The following PDE2A variants were observed in gnomAD, a reference collection of about 807,000 sequenced individuals.
PDE2A encodes phosphodiesterase 2A, also known as cGMP-dependent 3',5'-cyclic phosphodiesterase.
In PDE2A, 53 loss-of-function variants were observed where a neutral mutation model predicts 133.6. That is an observed-to-expected ratio of 0.40 (90% CI 0.32 to 0.50). The LOEUF (loss-of-function observed/expected upper bound fraction) is 0.50, where lower values mean the gene tolerates loss of function less well. PDE2A is among the 20% of genes least tolerant of loss of function. PDE2A has a pLI of 0.73. For missense variants in PDE2A, 796 were observed against 1,232.4 expected (o/e 0.65, Z 5.30); for synonymous variants, 491 against 490.2 (o/e 1.00, Z -0.02).
intron 1 of PDE2A, among the ~76,000 whole-genome samples, chr11:72,667,686 C>T (rs1855275339): frequency 1.3e-5 from 2 of 152,068 alleles, no homozygotes; most frequent in African/African-American, 4.8e-5. Context: ...GTCATCACTC[C>T]TCAGCCTGAG....
intron 2 of PDE2A, among the ~76,000 whole-genome samples, chr11:72,614,252 C>T (rs1033406700): frequency 2.0e-5 from 3 of 152,216 alleles, no homozygotes; most frequent in Admixed American, 2.0e-4. Flanking sequence ...CCTGTGAGTG[C>T]GAAGATCTTG....
At chr11:72,615,058 C>T (rs779952511) in intron 2 of PDE2A, 8 of 504,828 alleles carry the variant, frequency 1.6e-5, no homozygotes, top group Non-Finnish European at 3.3e-5. Context: ...ACTCCGGCTT[C>T]AGTTGTTACT....
chr11:72,646,346 T>G (rs760602795), intron 1 of PDE2A, among the ~76,000 whole-genome samples: 3 of 152,186 alleles, frequency 2.0e-5, no homozygotes, highest in African/African-American at 7.2e-5. Context: ...GGCAAAGCAT[T>G]TCCTCACCCA....
Position 72,578,646 on chromosome 11 carries a change from C to G in PDE2A, c.2470-132G>C, listed in dbSNP as rs1342573134. 4 of 833,206 alleles carry G rather than the reference C, an allele frequency of 4.8e-6. No individual in the cohort carries two copies. Among genetic ancestry groups the G allele is most frequent in the Non-Finnish European group, 7.9e-6 (4 of 508,070 alleles). The allele number at this position is 833,206 out of a possible 1,614,324, so 51.6% of individuals were successfully genotyped here. ...CCAGCTCAGGAGCCGTCCCCACCAG[C>G]CCCAGCTTGGCAGTGGGATGGCCTG... On this transcript the variant is annotated intron_variant, in intron 28 of 30. Coordinates refer to ENST00000334456, the MANE Select transcript of PDE2A (RefSeq NM_002599.5). This position sits in a 1 kb window ranked among gnomAD's most constrained non-coding sequence, Gnocchi z 4.2.
intron 1 of PDE2A, among the ~76,000 whole-genome samples, chr11:72,665,915 A>C (rs929887405): frequency 2.0e-5 from 3 of 151,888 alleles, no homozygotes; most frequent in Non-Finnish European, 2.9e-5. Context: ...CAACAACAAA[A>C]AAAAAACACG....
At chr11:72,589,814 G>A in intron 10 of PDE2A, 22 bp from the exon 11 acceptor site, 2 of 1,613,034 alleles carry the variant, frequency 1.2e-6, no homozygotes, top group Non-Finnish European at 1.7e-6. Context: ...AGTGCAGGGG[G>A]CTGGTTAAAG....
intron 7 of PDE2A, chr11:72,591,049 A>G (rs141686966): frequency 4.0e-6 from 2 of 498,714 alleles, no homozygotes; most frequent in Admixed American, 7.2e-5. Context: ...AACCGTGTGT[A>G]TTTACAAGAT....
chr11:72,635,163 G>A (rs553928475), intron 2 of PDE2A, among the ~76,000 whole-genome samples: 1 of 152,264 alleles, frequency 6.6e-6, no homozygotes, highest in African/African-American at 2.4e-5. Context: ...GCAAGCTTTG[G>A]GAGTGGAAGC....
rs776170407 is a variant in PDE2A, at chr11:72,580,972, C to T, written c.2047G>A (p.Asp683Asn). ...ATAAACAAGGCAAAGATCTCGATGT[C>T]CCTGGTTGAGAGGCAGAAAGGAGAA... ...KNLELTNYLE[D>N]IEIFALFISC... The change falls in exon 24 of 31, where the codon GAC becomes AAC. Residue 683 changes from aspartate to asparagine, a missense_variant and splice_region_variant. This residue lies in a region of PDE2A where 218 missense variants were observed against 465.9 expected (regional missense o/e 0.47). Coordinates refer to ENST00000334456, the MANE Select transcript of PDE2A (RefSeq NM_002599.5). 3 of 1,607,972 alleles carry T rather than the reference C, an allele frequency of 1.9e-6. No individual in the cohort carries two copies. The South Asian group carries it at 3.3e-5, about 18-fold the overall frequency.
At chr11:72,588,503 A>G (rs1052666015) in intron 13 of PDE2A, among the ~76,000 whole-genome samples, 2 of 152,116 alleles carry the variant, frequency 1.3e-5, no homozygotes, top group Non-Finnish European at 2.9e-5. Flanking sequence ...CCACCCCTCC[A>G]TCTAGCAGTT....
intron 6 of PDE2A, among the ~76,000 whole-genome samples, chr11:72,593,777 T>C (rs2135316383): frequency 6.6e-6 from 1 of 152,352 alleles, no homozygotes; most frequent in Middle Eastern, 3.4e-3. Context: ...GCCCTGCACC[T>C]GGCCAGCATA....
chr11:72,636,220 G>C, intron 2 of PDE2A: 1 of 870,032 alleles, frequency 1.1e-6, no homozygotes, highest in South Asian at 4.7e-5. Context: ...CCACATCAGA[G>C]GCAGCAGCTT....
At chr11:72,587,470 G>A (rs1354420710) in intron 13 of PDE2A, among the ~76,000 whole-genome samples, 1 of 152,094 alleles carries the variant, frequency 6.6e-6, no homozygotes, top group Non-Finnish European at 1.5e-5. Context: ...CCTGCCCTGG[G>A]CCTCAAAGCT....
In PDE2A at chr11:72,582,430, G is replaced by A; in HGVS notation, c.1851+14C>T. 6.2e-7 allele frequency: 1 copy of A among 1,612,802 alleles called. No homozygotes were observed. Among genetic ancestry groups the A allele is most frequent in the Non-Finnish European group, 8.5e-7 (1 of 1,179,354 alleles). On this transcript the variant is annotated intron_variant, in intron 21 of 30. Coordinates refer to ENST00000334456, the MANE Select transcript of PDE2A (RefSeq NM_002599.5). ...CCTTCGGCCTGGCCAGTCAAGTGGA[G>A]GAGAGCAACTCACCATGGACGTGTC...
chr11:72,585,492 TC>T, intron 15 of PDE2A, 58 bp from the exon 16 acceptor site: 1 of 1,611,138 alleles, frequency 6.2e-7, no homozygotes, highest in East Asian at 2.2e-5. Flanking sequence ...CTCCCGCCTC[TC>T]CTCTGCAAAT....
chr11:72,649,268 G>A (rs1428761841), intron 1 of PDE2A: 1 of 152,232 alleles, frequency 6.6e-6, no homozygotes, highest in Non-Finnish European at 1.5e-5. Flanking sequence ...AACAAGTCTT[G>A]ACCCAGAAGA....
At chr11:72,660,817 T>A (rs539628355) in intron 1 of PDE2A, among the ~76,000 whole-genome samples, 12 of 151,346 alleles carry the variant, frequency 7.9e-5, no homozygotes, top group Non-Finnish European at 1.8e-4. Context: ...CACGTAGAAG[T>A]AGGGGTAGGG....
chr11:72,583,510 G>A lies in PDE2A; in HGVS notation c.1656C>T (p.Leu552=). 1.9e-6 allele frequency: 3 copies of A among 1,606,448 alleles called. No homozygotes were observed. In the South Asian group the frequency reaches 3.3e-5, roughly 18 times the overall value. Residue 552 remains leucine (L), a synonymous_variant, in exon 20 of 31, where the codon CTC becomes CTT. Transcript: ENST00000334456. The stretch of plus-strand genomic sequence containing the variant: ...GAGCCTCATTCACTTTTTTGTATAG[G>A]AGAGACTAGGGGAAAGAGGGAAAGA... ...IYCGISIAHS[L]LYKKVNEAQY...
intron 2 of PDE2A, among the ~76,000 whole-genome samples, chr11:72,619,389 C>T (rs1196965006): frequency 1.3e-5 from 2 of 152,116 alleles, no homozygotes; most frequent in Non-Finnish European, 2.9e-5. Context: ...TAGTGGCGAG[C>T]CCCTACGGAC....
Sources: gnomAD v4.1 joint callset for allele counts (sites outside exome capture counted in the v4.1 genomes callset) on GRCh38, gnomAD v4.1.1 for gene constraint, gnomAD v4.1.1 regional missense constraint, Gnocchi (gnomAD v3.1) non-coding constraint, MANE v1.5 for transcripts, NCBI Gene and HGNC (gene_info 2026-07-23, HGNC 2026-07-21) for gene names.